Variants in RBM18 observed in about 807,000 individuals in gnomAD.
RBM18 encodes RNA binding motif protein 18.
RBM18 carries 18 observed loss-of-function variants against 26.4 expected under a neutral mutation model. The ratio of observed to expected loss-of-function variants is 0.68; its 90% CI spans 0.47 to 1.01. RBM18 has a LOEUF of 1.01. Among genes scored for constraint, RBM18 ranks in the 50% least tolerant of loss-of-function variants. The pLI is 0.00. For synonymous variants in RBM18, 74 were observed against 81.1 expected (o/e 0.91, Z 0.47); for missense variants, 180 against 219.2 (o/e 0.82, Z 1.13).
rs79056998 is a variant in RBM18, at chr9:122,246,194, G to T, written c.328-853C>A. Among the ~76,000 whole-genome samples the T allele has an allele frequency of 2.3e-3, 354 of 152,212 alleles. 7 individuals are homozygous for T. The East Asian group carries it at 0.047, about 20-fold the overall frequency. On this transcript the variant is annotated intron_variant, in intron 4 of 5. Coordinates refer to ENST00000417201, the MANE Select transcript of RBM18 (RefSeq NM_033117.4). ...TTAAAATTTTATTAGAAAAAATAAAGACAGGGTCTTACTATGTTGCATAGG... is the reference window on the plus strand; with the variant it reads ...TTAAAATTTTATTAGAAAAAATAAATACAGGGTCTTACTATGTTGCATAGG...
chr9:122,253,493 T>C (rs1243412538), intron 2 of RBM18, among the ~76,000 whole-genome samples: 1 of 152,084 alleles, frequency 6.6e-6, no homozygotes, highest in African/African-American at 2.4e-5. Context: ...CTAGAGAGAA[T>C]GTAGGAAGTG....
intron 2 of RBM18, 24 bp from the exon 3 acceptor site, chr9:122,251,997 A>G: frequency 6.2e-7 from 1 of 1,612,716 alleles, no homozygotes; most frequent in Non-Finnish European, 8.5e-7. Context: ...AGAGTCCATG[A>G]GTATGCTCTG....
intron 4 of RBM18, among the ~76,000 whole-genome samples, 186 bp from the exon 5 acceptor site, chr9:122,245,527 GA>G (rs2118953223): frequency 6.6e-6 from 1 of 152,170 alleles, no homozygotes; most frequent in South Asian, 2.1e-4. Context: ...TGTAAGTTTA[GA>G]AAAAGAAGCT....
intron 1 of RBM18, among the ~76,000 whole-genome samples, chr9:122,262,686 C>A (rs1831824136): frequency 6.6e-6 from 1 of 152,112 alleles, no homozygotes; most frequent in Non-Finnish European, 1.5e-5. Flanking sequence ...CGGGTTCAAG[C>A]AATTCTCATG....
At chr9:122,264,257 G>A (rs1831905723) in intron 1 of RBM18, among the ~76,000 whole-genome samples, 1 of 152,152 alleles carries the variant, frequency 6.6e-6, no homozygotes, top group South Asian at 2.1e-4. Flanking sequence ...TCTTAAATAA[G>A]ACAATTTTGG....
At chr9:122,261,533 C>CAATGTACCAGGT in intron 1 of RBM18, 25 bp from the exon 2 acceptor site, 1 of 1,394,896 alleles carries the variant, frequency 7.2e-7, no homozygotes, top group Non-Finnish European at 1.0e-6. Context: ...AACATTCAGG[C>CAATGTACCAGGT]AGGAGGGGAG....
chr9:122,252,013 T>C, intron 2 of RBM18, 40 bp from the exon 3 acceptor site: 1 of 1,607,312 alleles, frequency 6.2e-7, no homozygotes, highest in East Asian at 2.2e-5. Context: ...CTCTGGGAAT[T>C]CTGTTGGCCA....
rs1170801740 is a variant in RBM18, at chr9:122,239,090, G to A, written c.*2794C>T. On this transcript the variant is annotated 3_prime_UTR_variant, in exon 6 of 6. Transcript: ENST00000417201. ...GCAAGAATTACTCCTGTTCTTTTAT[G>A]TAGTAGTATAAAAGAATCACAGATA... 6.6e-6 allele frequency: 1 copy of A among 152,224 alleles called. No homozygotes were observed. The highest frequency in any genetic ancestry group is 1.5e-5 in the Non-Finnish European group (1 of 68,042). The allele number at this position is 152,224 out of a possible 1,614,324, so 9.4% of individuals were successfully genotyped here. A position where few individuals can be genotyped will look rare whatever the true frequency, so the allele number is the denominator to read the frequency against.
intron 3 of RBM18, among the ~76,000 whole-genome samples, chr9:122,249,538 C>T (rs75537407): frequency 3.3e-5 from 5 of 151,062 alleles, no homozygotes; most frequent in African/African-American, 7.3e-5. Context: ...GGCGAACCCC[C>T]GCTTCTACAA....
chr9:122,259,896 G>A (rs1831758876), intron 2 of RBM18, among the ~76,000 whole-genome samples: 1 of 151,850 alleles, frequency 6.6e-6, no homozygotes, highest in Admixed American at 6.6e-5. Context: ...GTTTCACCAT[G>A]TTGGCCAGGC....
chr9:122,244,741 C>T (rs940859067), intron 5 of RBM18, among the ~76,000 whole-genome samples: 9 of 152,210 alleles, frequency 5.9e-5, no homozygotes, highest in African/African-American at 2.2e-4. Context: ...ATCCACTTAA[C>T]TTCCCCTTCC....
chr9:122,248,861 A>G (rs1440035160), intron 3 of RBM18, among the ~76,000 whole-genome samples: 1 of 152,244 alleles, frequency 6.6e-6, no homozygotes, highest in Non-Finnish European at 1.5e-5. Flanking sequence ...GTCTGGTTTT[A>G]CTGGTGATTC....
chr9:122,255,935 G>A (rs540368343), intron 2 of RBM18, among the ~76,000 whole-genome samples: 27 of 152,204 alleles, frequency 1.8e-4, no homozygotes, highest in Admixed American at 1.0e-3. Context: ...GGAGGCTGAG[G>A]TGGGAGGATT....
rs560795671 is a variant in RBM18, at chr9:122,250,145, G to C, written c.240+1702C>G. ...CCCTCAAAATACTTGAACAATTAGA[G>C]TAACAATGTATTATTTATTGGCTAT... On this transcript the variant is annotated intron_variant, in intron 3 of 5. Transcript: ENST00000417201. Among the ~76,000 whole-genome samples the C allele has an allele frequency of 2.7e-5, 4 of 150,548 alleles. No individual in the cohort carries two copies. In the South Asian group the frequency reaches 8.4e-4, roughly 31 times the overall value.
rs1831401436 is a variant in RBM18 at position 122,240,616 on chromosome 9, G to A, written c.*1268C>T. ...TACCTGGTAAAGGAGCAAAGGTGCT[G>A]CCCAATTAAACAGTATGTCAAACTT... is the stretch of plus-strand genomic sequence containing the variant. On this transcript the variant is annotated 3_prime_UTR_variant, in exon 6 of 6. Transcript: ENST00000417201. 4 of 152,204 alleles carry A rather than the reference G, an allele frequency of 2.6e-5. No homozygotes were observed. Among genetic ancestry groups the A allele is most frequent in the Admixed American group, 2.0e-4 (3 of 15,286 alleles). The allele number at this position is 152,204 out of a possible 1,614,324, so 9.4% of individuals were successfully genotyped here.
rs1249469761 is a variant in RBM18 at position 122,241,816 on chromosome 9, A to C, written c.*68T>G. On this transcript the variant is annotated 3_prime_UTR_variant, in exon 6 of 6. Transcript: ENST00000417201. ...TGAATAGTACCATTCACATCTACAA[A>C]GTACACAGGCAGACGATTTTAGGTG... 1.6e-5 allele frequency: 22 copies of C among 1,384,202 alleles called. No homozygotes were observed. Among genetic ancestry groups the C allele is most frequent in the Non-Finnish European group, 2.2e-5 (22 of 990,286 alleles). The allele number at this position is 1,384,202 out of a possible 1,614,324, so 85.7% of individuals were successfully genotyped here.
chr9:122,262,127 A>G (rs1485928194), intron 1 of RBM18, among the ~76,000 whole-genome samples: 1 of 132,834 alleles, frequency 7.5e-6, no homozygotes, highest in African/African-American at 2.5e-5. Flanking sequence ...AAGATTAAAG[A>G]CAGTAAAAAA....
chr9:122,244,210 A>G (rs1831469542), intron 5 of RBM18, among the ~76,000 whole-genome samples: 1 of 152,186 alleles, frequency 6.6e-6, no homozygotes, highest in Non-Finnish European at 1.5e-5. Context: ...CCAATTTACC[A>G]TTCCTGAAAA....
chr9:122,256,098 A>G (rs1052132709), intron 2 of RBM18, among the ~76,000 whole-genome samples: 1 of 152,210 alleles, frequency 6.6e-6, no homozygotes, highest in African/African-American at 2.4e-5. Flanking sequence ...TCATGATGTC[A>G]GCCTCCTGCT....
Sources: allele counts gnomAD v4.1 joint callset (sites outside exome capture counted in the v4.1 genomes callset), GRCh38; gene constraint gnomAD v4.1.1; transcripts MANE v1.5; gene names NCBI Gene and HGNC (gene_info 2026-07-23, HGNC 2026-07-21).